Variants in SCHIP1 observed in about 807,000 individuals in gnomAD.
The protein encoded by SCHIP1 is schwannomin-interacting protein 1.
A neutral mutation model predicts 29.7 loss-of-function variants in SCHIP1; 8 were observed. The ratio of observed to expected loss-of-function variants is 0.27; its 90% CI spans 0.16 to 0.49. The LOEUF is 0.49. SCHIP1 is among the 20% of genes least tolerant of loss of function. The pLI is 0.99. For missense variants in SCHIP1, 193 were observed against 294.6 expected, an observed-to-expected ratio of 0.66 and a Z score of 2.52; for synonymous variants, 76 against 94.9, an observed-to-expected ratio of 0.80 and a Z score of 1.16.
the SCHIP1 span, among the ~76,000 whole-genome samples, chr3:159,511,882 C>T: frequency 6.6e-6 from 1 of 152,066 alleles, no homozygotes; most frequent in Non-Finnish European, 1.5e-5. Context: ...AAAAACAAAA[C>T]TTTAAATCTT....
chr3:159,366,335 A>G, the SCHIP1 span, among the ~76,000 whole-genome samples: 1 of 152,150 alleles, frequency 6.6e-6, no homozygotes, highest in South Asian at 2.1e-4. Flanking sequence ...AGGTGCCACC[A>G]TCAATATTGG....
the SCHIP1 span, among the ~76,000 whole-genome samples, chr3:159,610,991 T>C: frequency 6.6e-6 from 1 of 152,176 alleles, no homozygotes; most frequent in Non-Finnish European, 1.5e-5. Flanking sequence ...TATGACATTT[T>C]ACCCTCTTAA....
At chr3:159,752,121 G>A in the SCHIP1 span, among the ~76,000 whole-genome samples, 1 of 143,924 alleles carries the variant, frequency 6.9e-6, no homozygotes, top group Admixed American at 7.5e-5. Flanking sequence ...TTCACCTTCT[G>A]TCATGATTGT....
chr3:159,783,577 C>T, the SCHIP1 span, among the ~76,000 whole-genome samples: 2 of 152,172 alleles, frequency 1.3e-5, no homozygotes, highest in Non-Finnish European at 2.9e-5. Context: ...TATTTTTATG[C>T]TGCAAGGAGT....
chr3:159,601,809 G>C, the SCHIP1 span, among the ~76,000 whole-genome samples: 1 of 152,240 alleles, frequency 6.6e-6, no homozygotes, highest in East Asian at 1.9e-4. Flanking sequence ...GGACTTTGCA[G>C]CACCTTTGGC....
the SCHIP1 span, among the ~76,000 whole-genome samples, chr3:159,348,000 A>C: frequency 6.6e-6 from 1 of 152,326 alleles, no homozygotes; most frequent in South Asian, 2.1e-4. Flanking sequence ...CTGTTTAAAC[A>C]CTGAGTTTCT....
At chr3:159,493,436 G>C in the SCHIP1 span, among the ~76,000 whole-genome samples, 1 of 152,084 alleles carries the variant, frequency 6.6e-6, no homozygotes, top group East Asian at 1.9e-4. Flanking sequence ...AACAAAAAAA[G>C]GCAGGGGTTG....
chr3:159,554,415 T>G, the SCHIP1 span, among the ~76,000 whole-genome samples: 2 of 152,288 alleles, frequency 1.3e-5, no homozygotes, highest in Admixed American at 6.5e-5. Context: ...CTTTTTGGCC[T>G]TAGATACATT....
chr3:159,619,569 A>C, the SCHIP1 span, among the ~76,000 whole-genome samples: 30 of 152,254 alleles, frequency 2.0e-4, no homozygotes, highest in Admixed American at 2.0e-3. Flanking sequence ...AACTGTCTTA[A>C]CATCCCTGTA....
the SCHIP1 span, among the ~76,000 whole-genome samples, chr3:159,452,453 G>T: frequency 6.6e-6 from 1 of 152,038 alleles, no homozygotes; most frequent in African/African-American, 2.4e-5. Context: ...TTCCAGCTTC[G>T]TCCCTGTCCC....
chr3:159,804,937 A>AG, the SCHIP1 span, among the ~76,000 whole-genome samples: 1 of 152,202 alleles, frequency 6.6e-6, no homozygotes, highest in Non-Finnish European at 1.5e-5. Context: ...GTCTAGGGAG[A>AG]GGGAGAAAAA....
the SCHIP1 span, among the ~76,000 whole-genome samples, chr3:159,818,273 G>A: frequency 6.6e-6 from 1 of 152,216 alleles, no homozygotes; most frequent in Non-Finnish European, 1.5e-5. Flanking sequence ...GTTCTGGGGA[G>A]AGAAAGTGGT....
At chr3:159,421,370 GA>G in the SCHIP1 span, among the ~76,000 whole-genome samples, 1 of 152,194 alleles carries the variant, frequency 6.6e-6, no homozygotes, top group Non-Finnish European at 1.5e-5. Flanking sequence ...TCACTTGGAT[GA>G]GTGCTTTCAT....
the SCHIP1 span, among the ~76,000 whole-genome samples, chr3:159,313,397 C>T: frequency 1.3e-5 from 2 of 152,158 alleles, no homozygotes; most frequent in Non-Finnish European, 2.9e-5. Context: ...TAATGACAGC[C>T]ACTACATTTT....
the SCHIP1 span, among the ~76,000 whole-genome samples, chr3:159,552,032 CTTTTTTTTTT>C: frequency 9.7e-6 from 1 of 103,554 alleles, no homozygotes; most frequent in African/African-American, 3.8e-5. Flanking sequence ...TGCCACATTG[CTTTTTTTTTT>C]TTTTTTTTTT....
At chr3:159,719,043 C>A in the SCHIP1 span, among the ~76,000 whole-genome samples, 1 of 152,062 alleles carries the variant, frequency 6.6e-6, no homozygotes, top group African/African-American at 2.4e-5. Flanking sequence ...AGATATAGAC[C>A]AATGGAACAG....
At chr3:159,886,493 T>A in intron 3 of SCHIP1, 169 bp downstream of exon 4, 1 of 588,924 alleles carries the variant, frequency 1.7e-6, no homozygotes, top group Non-Finnish European at 3.0e-6. Flanking sequence ...GTCAAAGTTG[T>A]AATAAAATAG....
At chr3:159,494,753 T>A in the SCHIP1 span, among the ~76,000 whole-genome samples, 42 of 152,268 alleles carry the variant, frequency 2.8e-4, no homozygotes, top group Non-Finnish European at 4.1e-4. Flanking sequence ...AACTCATTTT[T>A]TTAGGCCAGC....
At chr3:159,349,251 C>A in the SCHIP1 span, among the ~76,000 whole-genome samples, 1 of 152,106 alleles carries the variant, frequency 6.6e-6, no homozygotes, top group Non-Finnish European at 1.5e-5. Flanking sequence ...TATTTTCACC[C>A]ATGTCGTGCA....
Sources: gnomAD v4.1 joint callset for allele counts (sites outside exome capture counted in the v4.1 genomes callset) on GRCh38, gnomAD v4.1.1 for gene constraint, MANE v1.5 for transcripts, NCBI Gene and HGNC (gene_info 2026-07-23, HGNC 2026-07-21) for gene names.